SYNPO2: variants seen among roughly 807,000 people sequenced by gnomAD.
SYNPO2 encodes the protein synaptopodin 2, also known as synaptopodin-2.
In SYNPO2, 56 loss-of-function variants were observed where a neutral mutation model predicts 85.0. The ratio of observed to expected loss-of-function variants is 0.66; its 90% confidence interval spans 0.53 to 0.82. The LOEUF is 0.82. Ranked by LOEUF, SYNPO2 falls within the 40% of genes least tolerant of loss-of-function variation. The pLI is 0.00. For missense variants in SYNPO2, 1,575 were observed against 1,534.2 expected, an observed-to-expected ratio of 1.03 and a Z score of -0.44; for synonymous variants, 602 against 591.1, an observed-to-expected ratio of 1.02 and a Z score of -0.27.
chr4:118,893,327 A>G (rs1255031348), intron 1 of SYNPO2, among the ~76,000 whole-genome samples: 5 of 152,240 alleles, frequency 3.3e-5, no homozygotes. Flanking sequence ...CTTTGCCATT[A>G]GCTGGACGTA....
At position 118,879,788 on chromosome 4, in the gene SYNPO2, C is replaced by G. The variant is rs962624657; in HGVS notation, c.12+28848C>G. ...CGTGGTCTTGGCCAGCAGTCAGGTA[C>G]GTAACTGCAACTTTTGTGACATGCG... is the stretch of plus-strand genomic sequence containing the variant. On this transcript the variant is annotated intron_variant, in intron 1 of 4. Transcript: ENST00000610556. 2.0e-5 allele frequency among the ~76,000 whole-genome samples: 3 copies of G among 152,120 alleles called. No homozygotes were observed. In the East Asian group the frequency reaches 5.8e-4, roughly 29 times the overall value.
intron 1 of SYNPO2, among the ~76,000 whole-genome samples, chr4:118,890,841 G>A (rs1407869487): frequency 2.0e-5 from 3 of 151,870 alleles, no homozygotes; most frequent in African/African-American, 7.3e-5. Context: ...GCTCTGTCTT[G>A]CCCAAGTATT....
intron 1 of SYNPO2, chr4:118,851,090 T>A (rs1731412707): frequency 2.5e-6 from 1 of 397,344 alleles, no homozygotes; most frequent in Non-Finnish European, 4.4e-6. Flanking sequence ...TTTAAAATCC[T>A]ACTCACTTTT....
In SYNPO2 at chr4:119,019,596, T is replaced by C. The variant is rs539800802; in HGVS notation, c.106-3834T>C. On this transcript the variant is annotated intron_variant, in intron 1 of 4. Transcript: ENST00000307142. ...AAGCCAACACGTCTGAATTCACCAG[T>C]CCCTTCTTGAGCACCTCTTTGAGCT... is the stretch of plus-strand genomic sequence containing the variant. 7.2e-5 allele frequency among the ~76,000 whole-genome samples: 11 copies of C among 152,248 alleles called. No individual in the cohort carries two copies. In the South Asian group the frequency reaches 2.3e-3, roughly 32 times the overall value.
intron 1 of SYNPO2, among the ~76,000 whole-genome samples, chr4:118,952,541 ACT>A (rs1435383678): frequency 2.6e-5 from 4 of 152,108 alleles, no homozygotes; most frequent in Non-Finnish European, 4.4e-5. Context: ...TTTTGAATTA[ACT>A]CTAATTAATT....
intron 1 of SYNPO2, among the ~76,000 whole-genome samples, chr4:118,914,086 TG>T (rs1172501344): frequency 3.3e-5 from 5 of 152,054 alleles, no homozygotes; most frequent in Non-Finnish European, 7.4e-5. Context: ...ATATGGATGG[TG>T]GGGTCAGGAG....
At chr4:118,925,352 T>A (rs1335799262) in intron 1 of SYNPO2, among the ~76,000 whole-genome samples, 3 of 152,152 alleles carry the variant, frequency 2.0e-5, no homozygotes, top group Non-Finnish European at 1.5e-5. Context: ...TTAAACCAGA[T>A]GACTGTTGGC....
At chr4:118,995,862 T>C (rs1736565028) in intron 1 of SYNPO2, among the ~76,000 whole-genome samples, 1 of 148,302 alleles carries the variant, frequency 6.7e-6, no homozygotes, top group Non-Finnish European at 1.5e-5. Context: ...TCTATTTATC[T>C]TATCTATCTA....
chr4:118,991,092 GGGCCTAGTTCT>G (rs1295387062), intron 1 of SYNPO2, among the ~76,000 whole-genome samples: 2 of 152,100 alleles, frequency 1.3e-5, no homozygotes, highest in African/African-American at 4.8e-5. Flanking sequence ...TCAACTTCCC[GGGCCTAGTTCT>G]GGCCTAATTA....
In SYNPO2 at chr4:118,924,313, A is replaced by G. The variant is rs76575793; in HGVS notation, c.105+35172A>G. ...AATTGGCCGGAAAGGGTCAAATGTT[A>G]ACAGTATATTTTAAATGCAAAATAC... is the stretch of plus-strand genomic sequence containing the variant. On this transcript the variant is annotated intron_variant, in intron 1 of 4. Coordinates refer to ENST00000307142, the MANE Select transcript of SYNPO2 (RefSeq NM_133477.3). 3.6e-3 allele frequency among the ~76,000 whole-genome samples: 546 copies of G among 152,334 alleles called. 2 individuals carry two copies. Among genetic ancestry groups the G allele is most frequent in the South Asian group, 0.013 (61 of 4,832 alleles).
At chr4:118,900,695 CTCTCTCTCTA>C (rs1427660328) in intron 1 of SYNPO2, among the ~76,000 whole-genome samples, 221 of 41,948 alleles carry the variant, frequency 5.3e-3, no homozygotes, top group Middle Eastern at 0.016. Context: ...CTCTCTCTCT[CTCTCTCTCTA>C]TATATATATA....
In SYNPO2 at chr4:118,895,316, A is replaced by AT. The variant is rs1193334157; in HGVS notation, c.105+6176dup. Among the ~76,000 whole-genome samples the AT allele has an allele frequency of 5.9e-5, 9 of 152,236 alleles. No individual in the cohort carries two copies. In the East Asian group the frequency reaches 7.7e-4, roughly 13 times the overall value. On this transcript the variant is annotated intron_variant, in intron 1 of 4. Coordinates refer to ENST00000307142, the MANE Select transcript of SYNPO2 (RefSeq NM_133477.3). ...TTACCCATATCCCTCTAGCCCCTCC[A>AT]TGGTTGAGGGAAGGAGGAAAGATGT...
In SYNPO2 at chr4:118,872,692, T is replaced by C. The variant is rs75806453; in HGVS notation, c.12+21752T>C. Among the ~76,000 whole-genome samples, 136 of 152,190 alleles carry C rather than the reference T, an allele frequency of 8.9e-4. 3 individuals are homozygous for C. The East Asian group carries it at 0.026, about 29-fold the overall frequency. On this transcript the variant is annotated intron_variant, in intron 1 of 4. Coordinates refer to the SYNPO2 transcript ENST00000610556. ...TGAGTAGCTTTCAGTGAACTATCTTTCCTCATTGCACTCTGAGACACCTTG... is the reference window on the plus strand; with the variant it reads ...TGAGTAGCTTTCAGTGAACTATCTTCCCTCATTGCACTCTGAGACACCTTG...
rs71595334 is a variant in SYNPO2, at chr4:118,933,829, G to GTTTTTTTTTTTTT, written c.105+44693_105+44705dup. ...ATAGCTGCTTTTTGCTGTTGTTGTT[G>GTTTTTTTTTTTTT]TTTTTTTTTTTTTTTTTGGACAGTA... On this transcript the variant is annotated intron_variant, in intron 1 of 4. Coordinates refer to ENST00000307142, the MANE Select transcript of SYNPO2 (RefSeq NM_133477.3). Among the ~76,000 whole-genome samples, 14 of 102,300 alleles carry GTTTTTTTTTTTTT rather than the reference G, an allele frequency of 1.4e-4. 2 individuals are homozygous for GTTTTTTTTTTTTT. Among genetic ancestry groups the GTTTTTTTTTTTTT allele is most frequent in the Non-Finnish European group, 2.3e-4 (12 of 52,146 alleles). The allele number at this position is 102,300 out of a possible 152,430, so 67.1% of individuals were successfully genotyped here. A position where few individuals can be genotyped will look rare whatever the true frequency, so the allele number is the denominator to read the frequency against.
In SYNPO2 at chr4:118,998,851, C is replaced by T. The variant is rs534872332; in HGVS notation, c.106-24579C>T. On this transcript the variant is annotated intron_variant, in intron 1 of 4. Transcript: ENST00000307142. Reference sequence around the variant, plus strand: ...TCTTCTTCCTCTCCATCCCTCCTCCCCACTCCCTCCCTCCCTCTCTCTCTT... The same window carrying T: ...TCTTCTTCCTCTCCATCCCTCCTCCTCACTCCCTCCCTCCCTCTCTCTCTT... Among the ~76,000 whole-genome samples the T allele has an allele frequency of 8.5e-5, 13 of 152,228 alleles. No individual in the cohort carries two copies. The South Asian group carries it at 2.7e-3, about 32-fold the overall frequency.
At chr4:118,989,502 G>A (rs1471616901) in intron 1 of SYNPO2, among the ~76,000 whole-genome samples, 2 of 152,216 alleles carry the variant, frequency 1.3e-5, no homozygotes, top group Non-Finnish European at 2.9e-5. Context: ...TGAAGACAGA[G>A]AGCATGCTAT....
chr4:118,873,826 A>C (rs1731848153), intron 1 of SYNPO2, among the ~76,000 whole-genome samples: 1 of 152,130 alleles, frequency 6.6e-6, no homozygotes, highest in Non-Finnish European at 1.5e-5. Flanking sequence ...TTATAGTTTC[A>C]GGTCTTTAAT....
At chr4:118,976,546 A>G (rs1293269937) in intron 1 of SYNPO2, among the ~76,000 whole-genome samples, 5 of 152,174 alleles carry the variant, frequency 3.3e-5, no homozygotes, top group African/African-American at 4.8e-5. Context: ...GCTGATTGGT[A>G]GAGCCGAGTG....
chr4:118,959,509 C>G (rs11098465), intron 1 of SYNPO2, among the ~76,000 whole-genome samples: 128,000 of 152,194 alleles, frequency 0.84, 54,041 homozygotes, highest in Middle Eastern at 0.93. Flanking sequence ...CCAATCCTAA[C>G]GCAGTTAAAT....
Sources: gnomAD v4.1 joint callset for allele counts (sites outside exome capture counted in the v4.1 genomes callset) on GRCh38, gnomAD v4.1.1 for gene constraint, MANE v1.5 for transcripts, NCBI Gene and HGNC (gene_info 2026-07-23, HGNC 2026-07-21) for gene names.